BABAM2: variants seen among roughly 807,000 people sequenced by gnomAD.
BABAM2 encodes the protein BRISC and BRCA1 A complex member 2, also known as BRISC and BRCA1-A complex member 2.
BABAM2 carries 31 observed loss-of-function variants against 54.7 expected under a neutral mutation model. The ratio of observed to expected loss-of-function variants is 0.57; its 90% CI spans 0.43 to 0.77. The LOEUF (loss-of-function observed/expected upper bound fraction) is 0.77. Ranked by LOEUF, BABAM2 falls within the 30% of genes least tolerant of loss-of-function variation. The pLI is 0.00. For missense variants in BABAM2, 364 were observed against 455.8 expected (o/e 0.80, Z 1.83); for synonymous variants, 167 against 162.9 (o/e 1.03, Z -0.19).
intron 7 of BABAM2, among the ~76,000 whole-genome samples, chr2:28,161,497 T>C (rs1222953864): frequency 6.6e-6 from 1 of 152,212 alleles, no homozygotes; most frequent in African/African-American, 2.4e-5. Context: ...TCAGAGTCTC[T>C]GGTTTGGCTC....
intron 3 of BABAM2, among the ~76,000 whole-genome samples, chr2:27,946,181 G>A (rs1401293540): frequency 6.6e-6 from 1 of 152,052 alleles, no homozygotes; most frequent in Non-Finnish European, 1.5e-5. Flanking sequence ...TCAATCTAAG[G>A]AAGTTCCCAT....
At chr2:28,173,145 G>A (rs745548749) in intron 7 of BABAM2, among the ~76,000 whole-genome samples, 1 of 152,088 alleles carries the variant, frequency 6.6e-6, no homozygotes, top group African/African-American at 2.4e-5. Context: ...TCACACTGAG[G>A]ATTAGGATTT....
chr2:28,075,100 A>G (rs1028876692), intron 6 of BABAM2, among the ~76,000 whole-genome samples: 1 of 152,076 alleles, frequency 6.6e-6, no homozygotes, highest in Non-Finnish European at 1.5e-5. Flanking sequence ...TTTCCTTACT[A>G]CAAAGTCTTA....
intron 7 of BABAM2, among the ~76,000 whole-genome samples, chr2:28,201,844 C>A (rs1339884553): frequency 6.6e-6 from 1 of 152,116 alleles, no homozygotes; most frequent in African/African-American, 2.4e-5. Flanking sequence ...AAGCCTCTGG[C>A]AAGACACAGG....
chr2:28,334,449 G>C (rs1390752859), intron 11 of BABAM2, among the ~76,000 whole-genome samples: 2 of 152,260 alleles, frequency 1.3e-5, no homozygotes, highest in Non-Finnish European at 2.9e-5. Context: ...GTGCAGCTCA[G>C]CTGCAGCCTC....
At position 28,247,439 on chromosome 2, in the gene BABAM2, T is replaced by A. The variant is rs2148087022; in HGVS notation, c.934+2577T>A. Among the ~76,000 whole-genome samples the A allele has an allele frequency of 1.3e-5, 2 of 152,348 alleles. 1 individual carries two copies. The highest frequency in any genetic ancestry group is 4.1e-4 in the South Asian group (2 of 4,828). ...GCAGTTAAGCATCTGACACTTACCT[T>A]CCTTTGGAAGCATCTGCTGGCTTGG... On this transcript the variant is annotated intron_variant, in intron 10 of 11. Transcript: ENST00000379624.
intron 6 of BABAM2, among the ~76,000 whole-genome samples, chr2:28,112,193 C>CCTTCCTTCCTT (rs1558347355): frequency 3.3e-4 from 10 of 30,760 alleles, no homozygotes; most frequent in African/African-American, 1.9e-3. Context: ...CTCCCTCCCT[C>CCTTCCTTCCTT]CCTCCCTTCC....
intron 7 of BABAM2, among the ~76,000 whole-genome samples, chr2:28,177,362 A>G (rs1675117699): frequency 6.6e-6 from 1 of 152,182 alleles, no homozygotes; most frequent in Non-Finnish European, 1.5e-5. Flanking sequence ...GCAGAAACTG[A>G]GGAAATTCAT....
chr2:28,076,317 A>G (rs913849048), intron 6 of BABAM2, among the ~76,000 whole-genome samples: 7 of 152,082 alleles, frequency 4.6e-5, no homozygotes, highest in African/African-American at 1.2e-4. Flanking sequence ...CTGTTTTTAA[A>G]TGAAATTTTA....
chr2:28,146,849 G>A (rs903510526), intron 7 of BABAM2, among the ~76,000 whole-genome samples: 4 of 152,090 alleles, frequency 2.6e-5, no homozygotes, highest in Non-Finnish European at 4.4e-5. Context: ...AGCTAATATG[G>A]GACTTTTCAG....
intron 10 of BABAM2, among the ~76,000 whole-genome samples, chr2:28,259,848 C>T (rs1387929938): frequency 6.6e-6 from 1 of 151,308 alleles, no homozygotes; most frequent in Non-Finnish European, 1.5e-5. Flanking sequence ...ATTAAATTAC[C>T]TTAGCACCTT....
intron 6 of BABAM2, among the ~76,000 whole-genome samples, chr2:28,099,129 A>C (rs558107320): frequency 3.3e-5 from 5 of 152,338 alleles, no homozygotes; most frequent in Admixed American, 2.0e-4. Flanking sequence ...ATTATTACAA[A>C]GTAATAAATT....
At chr2:27,948,379 T>C (rs1669456191) in intron 3 of BABAM2, among the ~76,000 whole-genome samples, 7 of 152,170 alleles carry the variant, frequency 4.6e-5, no homozygotes, top group Admixed American at 4.6e-4. Context: ...TTATGCCATC[T>C]GTGAATGACA....
intron 8 of BABAM2, among the ~76,000 whole-genome samples, chr2:28,239,267 G>T (rs574371243): frequency 1.3e-5 from 2 of 152,212 alleles, no homozygotes; most frequent in South Asian, 4.1e-4. Context: ...ACATTTAAAG[G>T]GTTCAACATG....
At chr2:27,971,400 A>C (rs549475464) in intron 3 of BABAM2, among the ~76,000 whole-genome samples, 48 of 152,220 alleles carry the variant, frequency 3.2e-4, no homozygotes, top group Admixed American at 9.8e-4. Flanking sequence ...TCTTTTTCTT[A>C]AGCTTGTTCA....
At chr2:28,044,602 A>G (rs1048735593) in intron 5 of BABAM2, among the ~76,000 whole-genome samples, 16 of 152,138 alleles carry the variant, frequency 1.1e-4, no homozygotes, top group Non-Finnish European at 8.8e-5. Context: ...GAAACTGTCT[A>G]AAGTGCTATG....
At chr2:28,272,753 G>A (rs986621554) in intron 10 of BABAM2, among the ~76,000 whole-genome samples, 5 of 152,144 alleles carry the variant, frequency 3.3e-5, no homozygotes, top group African/African-American at 1.2e-4. Context: ...AAGTTTCTGA[G>A]ACCAAGAAAG....
chr2:28,317,084 C>A (rs1247706561), intron 11 of BABAM2, among the ~76,000 whole-genome samples: 1 of 152,148 alleles, frequency 6.6e-6, no homozygotes, highest in Non-Finnish European at 1.5e-5. Flanking sequence ...CTGCCGTGCT[C>A]AGCTTTATGC....
At chr2:28,271,737 A>G (rs999003213) in intron 10 of BABAM2, among the ~76,000 whole-genome samples, 1 of 152,254 alleles carries the variant, frequency 6.6e-6, no homozygotes, top group African/African-American at 2.4e-5. Flanking sequence ...AATATGGTAC[A>G]ATACAGAAAG....
Sources: allele counts gnomAD v4.1 joint callset (sites outside exome capture counted in the v4.1 genomes callset), GRCh38; gene constraint gnomAD v4.1.1; transcripts MANE v1.5; gene names NCBI Gene and HGNC (gene_info 2026-07-23, HGNC 2026-07-21).